ATP2B1: variants seen among roughly 807,000 people sequenced by gnomAD.
ATP2B1 encodes plasma membrane calcium-transporting ATPase 1.
ATP2B1 carries 14 observed loss-of-function variants against 124.2 expected under a neutral mutation model. The observed-to-expected ratio is 0.11, with a 90% CI of 0.07 to 0.18. The LOEUF (loss-of-function observed/expected upper bound fraction) is 0.18, where lower values mean the gene tolerates loss of function less well. Among genes scored for constraint, ATP2B1 ranks in the 10% least tolerant of loss-of-function variants. The pLI, the probability that ATP2B1 is intolerant of heterozygous loss-of-function variation, is 1.00. For missense variants in ATP2B1, 763 were observed against 1,466.1 expected (o/e 0.52, Z 7.83); for synonymous variants, 449 against 492.4 (o/e 0.91, Z 1.17).
chr12:89,653,549 G>A lies in ATP2B1; in HGVS notation c.208+2130C>T, dbSNP rs372499457. On this transcript the variant is annotated intron_variant, in intron 2 of 20. Transcript: ENST00000428670. ...CCTGACCTCATGATCCACCCGCCTC[G>A]GCCTCCCAAAGTGCTGGGATTACAG... Among the ~76,000 whole-genome samples, 139 of 150,790 alleles carry A rather than the reference G, an allele frequency of 9.2e-4. 2 individuals are homozygous for A. In the South Asian group the frequency reaches 0.027, roughly 29 times the overall value.
intron 1 of ATP2B1, among the ~76,000 whole-genome samples, chr12:89,681,017 C>T (rs1889285462): frequency 6.6e-6 from 1 of 152,126 alleles, no homozygotes; most frequent in African/African-American, 2.4e-5. Flanking sequence ...TACATTGGAG[C>T]ATTCCTAAGG....
At chr12:89,682,946 T>C (rs1473008773) in intron 1 of ATP2B1, among the ~76,000 whole-genome samples, 4 of 152,104 alleles carry the variant, frequency 2.6e-5, no homozygotes, top group Non-Finnish European at 5.9e-5. Flanking sequence ...AAAGGGCTAC[T>C]TTCCCTAATA....
At chr12:89,640,133 A>G (rs556485308) in intron 3 of ATP2B1, among the ~76,000 whole-genome samples, 5 of 152,348 alleles carry the variant, frequency 3.3e-5, no homozygotes, top group African/African-American at 7.2e-5. Flanking sequence ...ATCTTAAAGG[A>G]TATATACATA....
At chr12:89,688,379 T>C (rs1468439472) in intron 1 of ATP2B1, among the ~76,000 whole-genome samples, 1 of 152,134 alleles carries the variant, frequency 6.6e-6, no homozygotes, top group African/African-American at 2.4e-5. Flanking sequence ...TTTTCACAAC[T>C]ATTATAAACT....
intron 1 of ATP2B1, among the ~76,000 whole-genome samples, chr12:89,681,901 G>C (rs1034767957): frequency 6.6e-6 from 1 of 152,034 alleles, no homozygotes; most frequent in Non-Finnish European, 1.5e-5. Flanking sequence ...TCATTCTAAA[G>C]ATACCAGTGA....
intron 1 of ATP2B1, among the ~76,000 whole-genome samples, chr12:89,695,461 A>G (rs73437371): frequency 1.1e-3 from 164 of 152,266 alleles, no homozygotes; most frequent in African/African-American, 3.8e-3. Flanking sequence ...TCTACTTGAA[A>G]TGAGAATTAA....
rs779130066 is a variant in ATP2B1 at position 89,630,533 on chromosome 12, C to T, written c.900G>A (p.Lys300=). 1.3e-6 allele frequency: 2 copies of T among 1,580,424 alleles called. No homozygotes were observed. The highest frequency in any genetic ancestry group is 1.8e-5 in the Admixed American group (1 of 56,048). ...LLGAGGEEEE[K]KDEKKKEKKN... ...TCTTTTCCTTTTTCTTCTCATCTTT[C>T]TTCTCTTCCTCTTCACCTCCAGCTC... The change falls in exon 6 of 21, where the codon AAG becomes AAA. Residue 300 remains lysine, a synonymous_variant. Transcript: ENST00000428670.
chr12:89,618,320 T>G (rs959192179), intron 11 of ATP2B1, among the ~76,000 whole-genome samples: 4 of 152,176 alleles, frequency 2.6e-5, no homozygotes, highest in Non-Finnish European at 4.4e-5. Flanking sequence ...CACTAGACAG[T>G]TGGTATGCAT....
intron 1 of ATP2B1, among the ~76,000 whole-genome samples, chr12:89,669,405 AG>A (rs1056584530): frequency 6.6e-6 from 1 of 152,168 alleles, no homozygotes; most frequent in Admixed American, 6.5e-5. Context: ...GATTTTTTTC[AG>A]CACTCAAGAG....
In ATP2B1 at chr12:89,655,862, C is replaced by T; in HGVS notation, c.25G>A (p.Val9Ile). The T allele has an allele frequency of 1.2e-6, 2 of 1,602,700 alleles. No homozygotes were observed. The highest frequency in any genetic ancestry group is 4.5e-5 in the East Asian group (2 of 44,658). MGDMANNS[V>I]AYSGVKNSLK... ...GAGTTTTTCACACCACTGTAAGCAA[C>T]TGAGTTGTTTGCCATGTCGCCCATT... The change falls in exon 2 of 21, where the codon GTT becomes ATT. Residue 9 changes from valine to isoleucine, a missense_variant. By Grantham distance (29) the Val-to-Ile change is conservative (BLOSUM62 3). Transcript: ENST00000428670.
intron 8 of ATP2B1, among the ~76,000 whole-genome samples, chr12:89,624,929 T>C (rs950281367): frequency 1.3e-5 from 2 of 152,240 alleles, no homozygotes; most frequent in Admixed American, 6.5e-5. Context: ...AACCAAGAGT[T>C]AACCATGTAT....
chr12:89,603,062 A>G lies in ATP2B1; in HGVS notation c.3041T>C (p.Leu1014Ser). 6.2e-7 allele frequency: 1 copy of G among 1,613,714 alleles called. No homozygotes were observed. The highest frequency in any genetic ancestry group is 8.5e-7 in the Non-Finnish European group (1 of 1,179,788). The stretch of plus-strand genomic sequence containing the variant: ...ACCCACCTGTACCACAAAAGTGCCT[A>G]AAACAATTGTGCAGAAGATGGCATT... The part of the protein sequence containing the change: ...FNNAIFCTIV[L>S]GTFVVQIIIV... Residue 1014 changes from leucine (L) to serine (S), a missense_variant, in exon 18 of 21, where the codon TTA becomes TCA. Physicochemically the swap from Leu to Ser is moderately radical, Grantham distance 145. Coordinates refer to ENST00000428670, the MANE Select transcript of ATP2B1 (RefSeq NM_001366521.1). The surrounding 1 kb of genome is among the most constrained non-coding windows in gnomAD (Gnocchi z 4.3).
chr12:89,630,790 T>TAA (rs1413831539), intron 5 of ATP2B1, 145 bp from the exon 6 acceptor site: 34 of 250,972 alleles, frequency 1.4e-4, no homozygotes, highest in Admixed American at 1.0e-3. Flanking sequence ...AATATATATA[T>TAA]ATATTTTTAA....
intron 6 of ATP2B1, among the ~76,000 whole-genome samples, chr12:89,629,739 GC>G (rs1881547366): frequency 1.3e-5 from 2 of 152,080 alleles, no homozygotes; most frequent in South Asian, 4.1e-4. Context: ...AATCTAAGTG[GC>G]TAAACCACCG....
chr12:89,633,719 T>C lies in ATP2B1; in HGVS notation c.787+1059A>G, dbSNP rs549610434. Among the ~76,000 whole-genome samples, 40 of 152,226 alleles carry C rather than the reference T, an allele frequency of 2.6e-4. No individual in the cohort carries two copies. The South Asian group carries it at 8.1e-3, about 31-fold the overall frequency. ...TTGTGATTCTAACTTAACTGACCCT[T>C]GTGGATATCACAGGTTTGACTCTGG... is the stretch of plus-strand genomic sequence containing the variant. On this transcript the variant is annotated intron_variant, in intron 5 of 20. Transcript: ENST00000428670.
At chr12:89,598,034 C>T (rs1472238040) in intron 20 of ATP2B1, among the ~76,000 whole-genome samples, 1 of 18,318 alleles carries the variant, frequency 5.5e-5, no homozygotes, top group Non-Finnish European at 1.1e-4. Context: ...CACTGCACAA[C>T]CAAGCAAAAA....
At chr12:89,599,934 A>G (rs1875465723) in intron 19 of ATP2B1, among the ~76,000 whole-genome samples, 1 of 152,196 alleles carries the variant, frequency 6.6e-6, no homozygotes, top group Admixed American at 6.5e-5. Context: ...TGGGTTTATC[A>G]GGGAGAAACA....
chr12:89,641,591 GCAT>G (rs1297895216), intron 3 of ATP2B1, among the ~76,000 whole-genome samples: 27 of 152,080 alleles, frequency 1.8e-4, no homozygotes, highest in Non-Finnish European at 3.4e-4. Flanking sequence ...TCCACTTGTG[GCAT>G]CATGTCGGCA....
intron 1 of ATP2B1, among the ~76,000 whole-genome samples, chr12:89,663,184 A>G (rs962309976): frequency 1.3e-4 from 20 of 152,234 alleles, no homozygotes; most frequent in Admixed American, 1.2e-3. Flanking sequence ...GTTTAAAAGA[A>G]TATGTTAGGT....
Sources: gnomAD v4.1 joint callset for allele counts (sites outside exome capture counted in the v4.1 genomes callset) on GRCh38, gnomAD v4.1.1 for gene constraint, Gnocchi (gnomAD v3.1) non-coding constraint, MANE v1.5 for transcripts, NCBI Gene and HGNC (gene_info 2026-07-23, HGNC 2026-07-21) for gene names.